SLC5A3: variants seen among roughly 807,000 people sequenced by gnomAD.
The protein encoded by SLC5A3 is solute carrier family 5 member 3.
In SLC5A3, 10 loss-of-function variants were observed where a neutral mutation model predicts 43.2. The ratio of observed to expected loss-of-function variants is 0.23; its 90% CI spans 0.14 to 0.39. The LOEUF is 0.39. Among genes scored for constraint, SLC5A3 ranks in the 10% least tolerant of loss-of-function variants. The probability of loss-of-function intolerance (pLI) is 1.00; values close to 1 mark genes in which losing one functional copy is unlikely to be tolerated. For missense variants in SLC5A3, 608 were observed against 893.4 expected (o/e 0.68, Z 4.07); for synonymous variants, 349 against 322.0 (o/e 1.08, Z -0.90).
At chr21:34,074,931 CTA>C (rs920696188) in intron 1 of SLC5A3, among the ~76,000 whole-genome samples, 4 of 152,118 alleles carry the variant, frequency 2.6e-5, no homozygotes, top group African/African-American at 7.3e-5. Context: ...CAGTGCCTCT[CTA>C]TGAGGTCCAG....
intron 1 of SLC5A3, among the ~76,000 whole-genome samples, chr21:34,083,299 C>T (rs1989500532): frequency 6.6e-6 from 1 of 152,242 alleles, no homozygotes; most frequent in South Asian, 2.1e-4. Context: ...GTCGTCTTTG[C>T]TTCCGTTAGA....
Position 34,104,053 on chromosome 21 carries a change from T to A in SLC5A3, c.*6698T>A, listed in dbSNP as rs1979367150. The A allele has an allele frequency of 1.0e-6, 1 of 999,994 alleles. No homozygotes were observed. Among genetic ancestry groups the A allele is most frequent in the Admixed American group, 6.2e-5 (1 of 16,242 alleles). The allele number at this position is 999,994 out of a possible 1,614,324, so 61.9% of individuals were successfully genotyped here. ...CCCCAAACATGCAGAAAGTCATACT[T>A]TAACAGGGCAAATACTACTTGTCTT... On this transcript the variant is annotated 3_prime_UTR_variant, in exon 2 of 2. Transcript: ENST00000381151.
chr21:34,096,869 C>G lies in SLC5A3; in HGVS notation c.1671C>G (p.Asn557Lys), dbSNP rs199948762. ...WSKKNLVVKENCSPKEEPYKM... is the reference protein window; with the variant it reads ...WSKKNLVVKEKCSPKEEPYKM... ...AGAAGAACCTGGTGGTGAAGGAGAA[C>G]TGCTCCCCAAAAGAGGAACCATACA... The change falls in exon 2 of 2, where the codon AAC (asparagine) becomes AAG (lysine). Residue 557 changes from asparagine to lysine, a missense_variant. Asn to Lys is a moderately conservative substitution (Grantham distance 94). This residue lies in a region of SLC5A3 where 210 missense variants were observed against 224.8 expected (regional missense o/e 0.93). Transcript: ENST00000381151. This position sits in a 1 kb window ranked among gnomAD's most constrained non-coding sequence, Gnocchi z 5.9. 100 of 1,613,982 alleles carry G rather than the reference C, an allele frequency of 6.2e-5. 1 individual carries two copies. The Middle Eastern group carries it at 1.2e-3, about 19-fold the overall frequency.
Position 34,095,324 on chromosome 21 carries a change from G to T in SLC5A3, c.126G>T (p.Ala42=). 2.5e-6 allele frequency: 4 copies of T among 1,614,002 alleles called. No homozygotes were observed. Among genetic ancestry groups the T allele is most frequent in the Non-Finnish European group, 3.4e-6 (4 of 1,179,938 alleles). The change falls in exon 2 of 2, where the codon GCG becomes GCT. Residue 42 remains alanine, a synonymous_variant. Coordinates refer to ENST00000381151, the MANE Select transcript of SLC5A3 (RefSeq NM_006933.7). Reference sequence around the variant, plus strand: ...GCACCGTGAGTGGATACTTCCTGGCGGGGCGCTCTATGACCTGGGTAGCAA... The same window carrying T: ...GCACCGTGAGTGGATACTTCCTGGCTGGGCGCTCTATGACCTGGGTAGCAA... ...NRSTVSGYFL[A]GRSMTWVAIG... is the part of the protein sequence containing the mutation.
Position 34,100,878 on chromosome 21 carries a change from T to G in SLC5A3, c.*3523T>G, listed in dbSNP as rs894503570. 13 of 1,000,092 alleles carry G rather than the reference T, an allele frequency of 1.3e-5. No individual in the cohort carries two copies. The highest frequency in any genetic ancestry group is 1.7e-5 in the African/African-American group (1 of 57,226). The allele number at this position is 1,000,092 out of a possible 1,614,324, so 62.0% of individuals were successfully genotyped here. On this transcript the variant is annotated 3_prime_UTR_variant, in exon 2 of 2. Coordinates refer to ENST00000381151, the MANE Select transcript of SLC5A3 (RefSeq NM_006933.7). Reference sequence around the variant, plus strand: ...CCAAATAAAGCGGCTTATTAGCTACTCAGTTACTTGCTACTCAAAGGTTAG... The same window carrying G: ...CCAAATAAAGCGGCTTATTAGCTACGCAGTTACTTGCTACTCAAAGGTTAG...
chr21:34,082,042 T>C (rs1427666285), intron 1 of SLC5A3, among the ~76,000 whole-genome samples: 1 of 148,688 alleles, frequency 6.7e-6, no homozygotes, highest in Non-Finnish European at 1.5e-5. Flanking sequence ...ATCCAGATTT[T>C]ATAGGAAATC....
chr21:34,077,133 T>TG (rs1236548847), intron 1 of SLC5A3, among the ~76,000 whole-genome samples: 3 of 152,128 alleles, frequency 2.0e-5, no homozygotes, highest in African/African-American at 7.2e-5. Flanking sequence ...CTCTTGTGAG[T>TG]GGGAAAATGG....
rs1979247732 is a variant in SLC5A3, at chr21:34,101,784, A to G, written c.*4429A>G. The G allele has an allele frequency of 1.0e-6, 1 of 996,358 alleles. No individual in the cohort carries two copies. The highest frequency in any genetic ancestry group is 4.7e-5 in the South Asian group (1 of 21,182). 61.7% of individuals were successfully genotyped at this position (996,358 alleles called of 1,614,324 possible). A position where few individuals can be genotyped will look rare whatever the true frequency, so the allele number is the denominator to read the frequency against. ...TATACTGAATTTCTGTTAGCTTAAA[A>G]TGTTAATTCTCAGGAATGATTTTCT... On this transcript the variant is annotated 3_prime_UTR_variant, in exon 2 of 2. Transcript: ENST00000381151.
Position 34,105,113 on chromosome 21 carries a change from C to T in SLC5A3, c.*7758C>T, listed in dbSNP as rs1979417820. 1.0e-6 allele frequency: 1 copy of T among 1,000,002 alleles called. No individual in the cohort carries two copies. The highest frequency in any genetic ancestry group is 1.2e-6 in the Non-Finnish European group (1 of 829,856). 61.9% of individuals were successfully genotyped at this position (1,000,002 alleles called of 1,614,324 possible). The stretch of plus-strand genomic sequence containing the variant: ...TATTTTTTTTAATAATGCCATACTC[C>T]ATTAGTGTCAGATGATGGTATGGAA... On this transcript the variant is annotated 3_prime_UTR_variant, in exon 2 of 2. Transcript: ENST00000381151.
rs534919149 is a variant in SLC5A3 at position 34,078,839 on chromosome 21, C to T, written c.-337+5094C>T. 7.8e-4 allele frequency among the ~76,000 whole-genome samples: 119 copies of T among 152,258 alleles called. 1 individual carries two copies. In the South Asian group the frequency reaches 0.024, roughly 31 times the overall value. ...GTTGCAATTTGATTATCAGACTTTTCCTATTTAATGTTCTTAGCTTTGTGT... is the reference window on the plus strand; with the variant it reads ...GTTGCAATTTGATTATCAGACTTTTTCTATTTAATGTTCTTAGCTTTGTGT... On this transcript the variant is annotated intron_variant, in intron 1 of 1. Coordinates refer to ENST00000381151, the MANE Select transcript of SLC5A3 (RefSeq NM_006933.7).
rs1231356684 is a variant in SLC5A3, at chr21:34,099,698, A to T, written c.*2343A>T. ...TTCTGCTCTTGTCTTAGTAAGATAC[A>T]TAAGGTACATCATCTTGTGTCTGTG... On this transcript the variant is annotated 3_prime_UTR_variant, in exon 2 of 2. Coordinates refer to ENST00000381151, the MANE Select transcript of SLC5A3 (RefSeq NM_006933.7). 1.0e-6 allele frequency: 1 copy of T among 998,156 alleles called. No homozygotes were observed. Among genetic ancestry groups the T allele is most frequent in the African/African-American group, 1.7e-5 (1 of 57,204 alleles). 61.8% of individuals were successfully genotyped at this position (998,156 alleles called of 1,614,324 possible).
chr21:34,080,279 TTC>T (rs1267097795), intron 1 of SLC5A3, among the ~76,000 whole-genome samples: 1 of 152,228 alleles, frequency 6.6e-6, no homozygotes. Flanking sequence ...TACTGCATAC[TTC>T]TCATTTTCAA....
Position 34,096,352 on chromosome 21 carries a change from G to C in SLC5A3, c.1154G>C (p.Ser385Thr), listed in dbSNP as rs1978964025. 1 of 1,614,070 alleles carries C rather than the reference G, an allele frequency of 6.2e-7. No individual in the cohort carries two copies. The highest frequency in any genetic ancestry group is 1.7e-5 in the Admixed American group (1 of 59,994). The change falls in exon 2 of 2, where the codon AGT (serine) becomes ACT (threonine). Residue 385 changes from serine (S) to threonine (T), a missense_variant. Ser to Thr is a moderately conservative substitution (Grantham distance 58). Transcript: ENST00000381151. This position sits in a 1 kb window ranked among gnomAD's most constrained non-coding sequence, Gnocchi z 5.9. ...AGTGACTTAGACTCTATCTTTAACAGTGCCAGTACCATATTCACCCTCGAT... is the reference window on the plus strand; with the variant it reads ...AGTGACTTAGACTCTATCTTTAACACTGCCAGTACCATATTCACCCTCGAT... ...LMSDLDSIFN[S>T]ASTIFTLDVY...
rs1467881427 is a variant in SLC5A3, at chr21:34,098,830, C to G, written c.*1475C>G. The G allele has an allele frequency of 1.0e-6, 1 of 999,878 alleles. No individual in the cohort carries two copies. Among genetic ancestry groups the G allele is most frequent in the Non-Finnish European group, 1.2e-6 (1 of 829,608 alleles). 61.9% of individuals were successfully genotyped at this position (999,878 alleles called of 1,614,324 possible). ...CTTCTGTGTCTTCGTATGCTCAACA[C>G]TGTCCTTTGTCCTCCATGAAAGATG... On this transcript the variant is annotated 3_prime_UTR_variant, in exon 2 of 2. Coordinates refer to ENST00000381151, the MANE Select transcript of SLC5A3 (RefSeq NM_006933.7).
At chr21:34,083,190 G>C (rs1016801626) in intron 1 of SLC5A3, among the ~76,000 whole-genome samples, 2 of 152,188 alleles carry the variant, frequency 1.3e-5, no homozygotes, top group Non-Finnish European at 2.9e-5. Context: ...GGTTGCTGTG[G>C]ATATAATCCA....
chr21:34,076,406 T>C (rs1258501958), intron 1 of SLC5A3, among the ~76,000 whole-genome samples: 1 of 152,218 alleles, frequency 6.6e-6, no homozygotes, highest in Non-Finnish European at 1.5e-5. Flanking sequence ...GGAATGCCCA[T>C]TGAAAGATTT....
Position 34,095,011 on chromosome 21 carries a change from C to A in SLC5A3, c.-188C>A, listed in dbSNP as rs1978899165. 1 of 661,004 alleles carries A rather than the reference C, an allele frequency of 1.5e-6. No individual in the cohort carries two copies. Among genetic ancestry groups the A allele is most frequent in the Non-Finnish European group, 2.4e-6 (1 of 416,350 alleles). The allele number at this position is 661,004 out of a possible 1,614,324, so 40.9% of individuals were successfully genotyped here. On this transcript the variant is annotated 5_prime_UTR_variant, in exon 2 of 2. Coordinates refer to ENST00000381151, the MANE Select transcript of SLC5A3 (RefSeq NM_006933.7). ...TTAAGAAGCGGAAAATTTAAACTGT[C>A]TTCTTCAAAGTTTATCACAACCACC...
intron 1 of SLC5A3, among the ~76,000 whole-genome samples, chr21:34,085,891 T>C (rs374886877): frequency 1.3e-5 from 2 of 152,128 alleles, no homozygotes; most frequent in African/African-American, 2.4e-5. Context: ...TGTGAGCCAC[T>C]GCGCCCGGCC....
At position 34,096,707 on chromosome 21, in the gene SLC5A3, G is replaced by A. The variant is rs762214834; in HGVS notation, c.1509G>A (p.Pro503=). Residue 503 remains proline, a synonymous_variant, in exon 2 of 2, where the codon CCG becomes CCA. Coordinates refer to ENST00000381151, the MANE Select transcript of SLC5A3 (RefSeq NM_006933.7). This position sits in a 1 kb window ranked among gnomAD's most constrained non-coding sequence, Gnocchi z 5.9. ...AATGTGACCAACCTGATAATAGGCC[G>A]GGCTTCATCAAAGACATCCATTATA... is the stretch of plus-strand genomic sequence containing the variant. ...APECDQPDNR[P]GFIKDIHYMY... 10 of 1,614,014 alleles carry A rather than the reference G, an allele frequency of 6.2e-6. No homozygotes were observed. The highest frequency in any genetic ancestry group is 3.3e-5 in the South Asian group (3 of 91,076).
Sources: allele counts gnomAD v4.1 joint callset (sites outside exome capture counted in the v4.1 genomes callset), GRCh38; gene constraint gnomAD v4.1.1; regional missense constraint gnomAD v4.1.1; non-coding constraint Gnocchi (gnomAD v3.1); transcripts MANE v1.5; gene names NCBI Gene and HGNC (gene_info 2026-07-23, HGNC 2026-07-21).